FGF4: variants seen among roughly 807,000 people sequenced by gnomAD.
The protein encoded by FGF4 is fibroblast growth factor 4, also known as heparin secretory transforming protein 1.
A neutral mutation model predicts 15.7 loss-of-function variants in FGF4; 9 were observed. The ratio of observed to expected loss-of-function variants is 0.57; its 90% CI spans 0.35 to 1.00. FGF4 has a LOEUF of 1.00. Among genes scored for constraint, FGF4 ranks in the 50% least tolerant of loss-of-function variants. FGF4 has a pLI of 0.02. For missense variants in FGF4, 286 were observed against 297.3 expected (o/e 0.96, Z 0.28); for synonymous variants, 164 against 144.8 (o/e 1.13, Z -0.95).
In FGF4 at chr11:69,774,634, CG is replaced by C. The variant is rs1590951336; in HGVS notation, c.340+110del. The C allele has an allele frequency of 1.8e-5, 15 of 843,940 alleles. No homozygotes were observed. In the East Asian group the frequency reaches 4.4e-4, roughly 25 times the overall value. 52.3% of individuals were successfully genotyped at this position (843,940 alleles called of 1,614,324 possible). ...CGGAGCCCGAGTCCGCCCCGGTTCCCGGGGCCCCCGAGCAGGTGCCCGCCGA... is the reference window on the plus strand; with the variant it reads ...CGGAGCCCGAGTCCGCCCCGGTTCCCGGGCCCCCGAGCAGGTGCCCGCCGA... On this transcript the variant is annotated intron_variant, in intron 1 of 2. Transcript: ENST00000168712.
chr11:69,773,036 A>G lies in FGF4; in HGVS notation c.*273T>C, dbSNP rs1295266284. On this transcript the variant is annotated 3_prime_UTR_variant, in exon 3 of 3. Transcript: ENST00000168712. ...CACTCGTGACAACTTTTGACAAGTT[A>G]AAGAAATCCAATGGTAAGATTCTCC... 2.5e-6 allele frequency: 1 copy of G among 396,586 alleles called. No individual in the cohort carries two copies. Among genetic ancestry groups the G allele is most frequent in the Non-Finnish European group, 4.5e-6 (1 of 220,954 alleles). 24.6% of individuals were successfully genotyped at this position (396,586 alleles called of 1,614,324 possible).
At position 69,774,854 on chromosome 11, in the gene FGF4, C is replaced by A. The variant is rs372255755; in HGVS notation, c.231G>T (p.Leu77=). 44 of 1,516,134 alleles carry A rather than the reference C, an allele frequency of 2.9e-5. No homozygotes were observed. The African/African-American group carries it at 4.2e-4, about 14-fold the overall frequency. 93.9% of individuals were successfully genotyped at this position (1,516,134 alleles called of 1,614,324 possible). ...AAVQSGAGDY[L]LGIKRLRRLY... is the part of the protein sequence containing the mutation. ...GCCGCCGCAGCCGCTTGATGCCCAGCAGGTAGTCGCCGGCGCCGCTCTGGA... is the reference window on the plus strand; with the variant it reads ...GCCGCCGCAGCCGCTTGATGCCCAGAAGGTAGTCGCCGGCGCCGCTCTGGA... Residue 77 remains leucine (L), a synonymous_variant, in exon 1 of 3, where the codon CTG becomes CTT. Transcript: ENST00000168712.
Position 69,773,404 on chromosome 11 carries a change from C to CG in FGF4, c.525dup (p.Gly176ArgfsTer74). Reference sequence around the variant, plus strand: ...TTCTTGCTCAGGGCGATGAACATGCCGGGGTACTTGTAGGACTCGTAGGCG... The same window carrying CG: ...TTCTTGCTCAGGGCGATGAACATGCCGGGGGTACTTGTAGGACTCGTAGGCG... On this transcript the variant is annotated frameshift_variant, in exon 3 of 3. Coordinates refer to ENST00000168712, the MANE Select transcript of FGF4 (RefSeq NM_002007.4). LOFTEE classifies it high-confidence loss of function. 1 of 1,614,098 alleles carries CG rather than the reference C, an allele frequency of 6.2e-7. No individual in the cohort carries two copies. Among genetic ancestry groups the CG allele is most frequent in the Middle Eastern group, 1.6e-4 (1 of 6,062 alleles).
In FGF4 at chr11:69,775,254, C is replaced by A. The variant is rs1459869422; in HGVS notation, c.-170G>T. 2.4e-6 allele frequency: 1 copy of A among 416,734 alleles called. No homozygotes were observed. Among genetic ancestry groups the A allele is most frequent in the South Asian group, 1.1e-4 (1 of 8,870 alleles). The allele number at this position is 416,734 out of a possible 1,614,324, so 25.8% of individuals were successfully genotyped here. On this transcript the variant is annotated 5_prime_UTR_variant, in exon 1 of 3. Transcript: ENST00000168712. ...GGGGCCCCCGGGCGCCGGGCTCTAC[C>A]CCGGCTGCATGGAGCGGCGAGCCGG...
chr11:69,774,646 G>A, intron 1 of FGF4, 99 bp downstream of exon 1: 1 of 965,148 alleles, frequency 1.0e-6, no homozygotes, highest in Non-Finnish European at 1.4e-6. Context: ...GGGCCCCCGA[G>A]CAGGTGCCCG....
At chr11:69,774,510 C>G (rs1463012004) in intron 1 of FGF4, among the ~76,000 whole-genome samples, 1 of 152,204 alleles carries the variant, frequency 6.6e-6, no homozygotes, top group Non-Finnish European at 1.5e-5. Context: ...GCTCGGAGCC[C>G]GAGTTTCTGA....
Position 69,774,867 on chromosome 11 carries a change from G to T in FGF4, c.218C>A (p.Ala73Asp). The T allele has an allele frequency of 6.6e-7, 1 of 1,505,014 alleles. No homozygotes were observed. The highest frequency in any genetic ancestry group is 1.2e-5 in the South Asian group (1 of 81,124). 93.2% of individuals were successfully genotyped at this position (1,505,014 alleles called of 1,614,324 possible). The change falls in exon 1 of 3, where the codon GCC becomes GAC. Residue 73 changes from alanine (A) to aspartate (D), a missense_variant. Transcript: ENST00000168712. The stretch of plus-strand genomic sequence containing the variant: ...CTTGATGCCCAGCAGGTAGTCGCCG[G>T]CGCCGCTCTGGACGGCCGCCTCCTT... The part of the protein sequence containing the change: ...QPKEAAVQSG[A>D]GDYLLGIKRL...
Position 69,773,165 on chromosome 11 carries a change from T to C in FGF4, c.*144A>G. On this transcript the variant is annotated 3_prime_UTR_variant, in exon 3 of 3. Coordinates refer to ENST00000168712, the MANE Select transcript of FGF4 (RefSeq NM_002007.4). The stretch of plus-strand genomic sequence containing the variant: ...AGAACTATAAATAATTTGGTGGCAA[T>C]ATATACACATTTAAATAATTAATTT... 1 of 611,846 alleles carries C rather than the reference T, an allele frequency of 1.6e-6. No individual in the cohort carries two copies. Among genetic ancestry groups the C allele is most frequent in the East Asian group, 2.8e-5 (1 of 35,600 alleles). The allele number at this position is 611,846 out of a possible 1,614,324, so 37.9% of individuals were successfully genotyped here. A position where few individuals can be genotyped will look rare whatever the true frequency, so the allele number is the denominator to read the frequency against.
Position 69,774,797 on chromosome 11 carries a change from G to A in FGF4, c.288C>T (p.Leu96=), listed in dbSNP as rs769890182. The change falls in exon 1 of 3, where the codon CTC becomes CTT. Residue 96 remains leucine, a synonymous_variant. Coordinates refer to ENST00000168712, the MANE Select transcript of FGF4 (RefSeq NM_002007.4). ...CGATGCGGCCGTCGGGGAGCGCCTGGAGGTGGAAGCCGATGCCCACGTTGC... is the reference window on the plus strand; with the variant it reads ...CGATGCGGCCGTCGGGGAGCGCCTGAAGGTGGAAGCCGATGCCCACGTTGC... The part of the protein sequence containing the change: ...LYCNVGIGFH[L]QALPDGRIGG... 1 of 1,526,832 alleles carries A rather than the reference G, an allele frequency of 6.5e-7. No homozygotes were observed. Among genetic ancestry groups the A allele is most frequent in the Admixed American group, 2.0e-5 (1 of 50,118 alleles). The allele number at this position is 1,526,832 out of a possible 1,614,324, so 94.6% of individuals were successfully genotyped here. A position where few individuals can be genotyped will look rare whatever the true frequency, so the allele number is the denominator to read the frequency against.
At chr11:69,774,189 T>A in intron 1 of FGF4, 62 bp from the exon 2 acceptor site, 1 of 1,359,990 alleles carries the variant, frequency 7.4e-7, no homozygotes, top group Non-Finnish European at 1.0e-6. Flanking sequence ...GCCCCTCGGC[T>A]TGTTCGCCTC....
chr11:69,773,243 C>A lies in FGF4; in HGVS notation c.*66G>T. 1.4e-6 allele frequency: 2 copies of A among 1,400,920 alleles called. No individual in the cohort carries two copies. Among genetic ancestry groups the A allele is most frequent in the South Asian group, 1.2e-5 (1 of 84,274 alleles). The allele number at this position is 1,400,920 out of a possible 1,614,324, so 86.8% of individuals were successfully genotyped here. On this transcript the variant is annotated 3_prime_UTR_variant, in exon 3 of 3. Coordinates refer to ENST00000168712, the MANE Select transcript of FGF4 (RefSeq NM_002007.4). The stretch of plus-strand genomic sequence containing the variant: ...AACTCTTCATCCGAAGAAAGTGCAC[C>A]AAGGTGACCCTCGGCACTGCCCTCC...
At position 69,772,770 on chromosome 11, in the gene FGF4, C is replaced by T. The variant is rs988599683; in HGVS notation, c.*539G>A. On this transcript the variant is annotated 3_prime_UTR_variant, in exon 3 of 3. Transcript: ENST00000168712. ...GGCAGATCTAAAAACAGAGTGGCAG[C>T]GAGGACTTCAACACCGCACTTTCTG... The T allele has an allele frequency of 1.9e-5, 3 of 159,678 alleles. No homozygotes were observed. Among genetic ancestry groups the T allele is most frequent in the Non-Finnish European group, 4.1e-5 (3 of 72,674 alleles). The allele number at this position is 159,678 out of a possible 1,614,324, so 9.9% of individuals were successfully genotyped here.
rs922987433 is a variant in FGF4 at position 69,774,862 on chromosome 11, C to A, written c.223G>T (p.Asp75Tyr). The A allele has an allele frequency of 7.3e-6, 11 of 1,507,396 alleles. No homozygotes were observed. Among genetic ancestry groups the A allele is most frequent in the Non-Finnish European group, 9.7e-6 (11 of 1,135,834 alleles). The allele number at this position is 1,507,396 out of a possible 1,614,324, so 93.4% of individuals were successfully genotyped here. The change falls in exon 1 of 3, where the codon GAC (aspartate) becomes TAC (tyrosine). Residue 75 changes from aspartate to tyrosine, a missense_variant. Transcript: ENST00000168712. ...KEAAVQSGAGDYLLGIKRLRR... is the reference protein window; with the variant it reads ...KEAAVQSGAGYYLLGIKRLRR... The stretch of plus-strand genomic sequence containing the variant: ...AGCCGCTTGATGCCCAGCAGGTAGT[C>A]GCCGGCGCCGCTCTGGACGGCCGCC...
At position 69,771,720 on chromosome 11, in the gene FGF4, A is replaced by T. The variant is rs1855570876; in HGVS notation, c.*1589T>A. The T allele has an allele frequency of 2.0e-5, 3 of 152,230 alleles. No individual in the cohort carries two copies. Among genetic ancestry groups the T allele is most frequent in the Non-Finnish European group, 4.4e-5 (3 of 68,036 alleles). The allele number at this position is 152,230 out of a possible 1,614,324, so 9.4% of individuals were successfully genotyped here. On this transcript the variant is annotated 3_prime_UTR_variant, in exon 3 of 3. Transcript: ENST00000168712. ...AGTTTTCAAAAGGAATGTGAAAGAC[A>T]AAAACTCCAATCAGATTTTCCAGTC...
chr11:69,773,500 G>C lies in FGF4; in HGVS notation c.445-15C>G. 6.2e-7 allele frequency: 1 copy of C among 1,613,886 alleles called. No individual in the cohort carries two copies. Among genetic ancestry groups the C allele is most frequent in the Non-Finnish European group, 8.5e-7 (1 of 1,179,784 alleles). On this transcript the variant is annotated splice_polypyrimidine_tract_variant and intron_variant, in intron 2 of 2. Coordinates refer to ENST00000168712, the MANE Select transcript of FGF4 (RefSeq NM_002007.4). ...GTGAAGAAGGGCTGCAGCAAAGCAG[G>C]GCAGTGTCAGGGCTGGGGCACCTCT...
At position 69,773,352 on chromosome 11, in the gene FGF4, ACTCGGTT is replaced by A. The variant is rs780987779; in HGVS notation, c.571_577del (p.Asn191CysfsTer5). The A allele has an allele frequency of 6.2e-7, 1 of 1,614,072 alleles. No homozygotes were observed. Among genetic ancestry groups the A allele is most frequent in the Non-Finnish European group, 8.5e-7 (1 of 1,179,996 alleles). On this transcript the variant is annotated frameshift_variant, in exon 3 of 3. Coordinates refer to ENST00000168712, the MANE Select transcript of FGF4 (RefSeq NM_002007.4). LOFTEE classifies it high-confidence loss of function. ...GTGGGTGACCTTCATGGTGGGCGAC[ACTCGGTT>A]CCCCTTCTTGGTCTTCCCATTCTTG...
rs551340204 is a variant in FGF4 at position 69,774,135 on chromosome 11, C to T, written c.341-8G>A. On this transcript the variant is annotated splice_polypyrimidine_tract_variant and splice_region_variant and intron_variant, in intron 1 of 2. Transcript: ENST00000168712. ...GCGAGAGCTCCAGCAGGCCTGGGGG[C>T]GGGGCGCAGGTCATTGCGGGGCAGG... The T allele has an allele frequency of 5.0e-6, 8 of 1,607,328 alleles. No individual in the cohort carries two copies. The African/African-American group carries it at 1.1e-4, about 21-fold the overall frequency.
Position 69,771,060 on chromosome 11 carries a change from C to A in FGF4, c.*2249G>T, listed in dbSNP as rs1171055568. On this transcript the variant is annotated 3_prime_UTR_variant, in exon 3 of 3. Coordinates refer to ENST00000168712, the MANE Select transcript of FGF4 (RefSeq NM_002007.4). ...TTTTAATAGCTTTTAATTCCTTTCC[C>A]AGTTGTGTACATCCAGTCCAGTGGT... 6.6e-6 allele frequency: 1 copy of A among 152,194 alleles called. No homozygotes were observed. Among genetic ancestry groups the A allele is most frequent in the African/African-American group, 2.4e-5 (1 of 41,424 alleles). The allele number at this position is 152,194 out of a possible 1,614,324, so 9.4% of individuals were successfully genotyped here. A position where few individuals can be genotyped will look rare whatever the true frequency, so the allele number is the denominator to read the frequency against.
At position 69,773,348 on chromosome 11, in the gene FGF4, C is replaced by A; in HGVS notation, c.582G>T (p.Ser194=). Residue 194 remains serine (S), a synonymous_variant, in exon 3 of 3, where the codon TCG becomes TCT. Coordinates refer to ENST00000168712, the MANE Select transcript of FGF4 (RefSeq NM_002007.4). The part of the protein sequence containing the change: ...NGKTKKGNRV[S]PTMKVTHFLP... ...GGAAGTGGGTGACCTTCATGGTGGG[C>A]GACACTCGGTTCCCCTTCTTGGTCT... is the stretch of plus-strand genomic sequence containing the variant. The A allele has an allele frequency of 1.2e-6, 2 of 1,614,050 alleles. No homozygotes were observed. Among genetic ancestry groups the A allele is most frequent in the African/African-American group, 1.3e-5 (1 of 75,008 alleles).
Sources: allele counts gnomAD v4.1 joint callset (sites outside exome capture counted in the v4.1 genomes callset), GRCh38; gene constraint gnomAD v4.1.1; transcripts MANE v1.5; gene names NCBI Gene and HGNC (gene_info 2026-07-23, HGNC 2026-07-21).